Variants in DUSP16 observed in about 807,000 individuals in gnomAD.
The protein encoded by DUSP16 is dual specificity phosphatase 16.
DUSP16 carries 21 observed loss-of-function variants against 58.3 expected under a neutral mutation model. That is an observed-to-expected ratio of 0.36 (90% CI 0.26 to 0.52). The LOEUF (loss-of-function observed/expected upper bound fraction) is 0.52, where lower values mean the gene tolerates loss of function less well. DUSP16 is among the 20% of genes least tolerant of loss of function. DUSP16 has a pLI of 0.94. For missense variants in DUSP16, 726 were observed against 819.0 expected (o/e 0.89, Z 1.39); for synonymous variants, 320 against 323.8 (o/e 0.99, Z 0.12).
intron 1 of DUSP16, among the ~76,000 whole-genome samples, chr12:12,547,412 C>T (rs1429968247): frequency 1.4e-5 from 2 of 141,790 alleles, no homozygotes; most frequent in Middle Eastern, 3.4e-3. Context: ...GGCGACAGAG[C>T]GAGACTTGGT....
intron 3 of DUSP16, among the ~76,000 whole-genome samples, chr12:12,514,938 C>A (rs1944126334): frequency 6.6e-6 from 1 of 152,176 alleles, no homozygotes; most frequent in African/African-American, 2.4e-5. Flanking sequence ...GGAATACAGG[C>A]ATAAGCCACC....
intron 4 of DUSP16, among the ~76,000 whole-genome samples, chr12:12,494,919 A>G (rs1282954729): frequency 6.6e-6 from 1 of 152,218 alleles, no homozygotes; most frequent in Non-Finnish European, 1.5e-5. Context: ...ATTAGTGGTT[A>G]GTGTGGAATC....
chr12:12,515,124 CTAAT>C (rs1944129418), intron 3 of DUSP16, among the ~76,000 whole-genome samples: 2 of 151,932 alleles, frequency 1.3e-5, no homozygotes, highest in South Asian at 4.1e-4. Flanking sequence ...TCCTATAATT[CTAAT>C]TATTTAATAT....
rs1211082453 is a variant in DUSP16, at chr12:12,488,748, T to G, written c.532-1561A>C. The stretch of plus-strand genomic sequence containing the variant: ...CCAGTTCCCTAATCTCTTCATTTAC[T>G]ACATTTGGCACAATAAATATACTTT... On this transcript the variant is annotated intron_variant, in intron 4 of 6. Transcript: ENST00000298573. 2.0e-5 allele frequency among the ~76,000 whole-genome samples: 3 copies of G among 152,196 alleles called. No individual in the cohort carries two copies. In the East Asian group the frequency reaches 5.8e-4, roughly 29 times the overall value.
chr12:12,512,432 T>A (rs1944092921), intron 3 of DUSP16, among the ~76,000 whole-genome samples: 2 of 152,196 alleles, frequency 1.3e-5, no homozygotes, highest in African/African-American at 4.8e-5. Context: ...TCTCTAGAAC[T>A]TACTCATCAT....
At chr12:12,557,605 TAA>T (rs1228229247) in intron 1 of DUSP16, among the ~76,000 whole-genome samples, 2 of 152,172 alleles carry the variant, frequency 1.3e-5, no homozygotes, top group African/African-American at 4.8e-5. Flanking sequence ...ACATGAATAT[TAA>T]AAAGTTATAA....
At chr12:12,539,697 T>G (rs983700769) in intron 1 of DUSP16, among the ~76,000 whole-genome samples, 1 of 151,080 alleles carries the variant, frequency 6.6e-6, no homozygotes, top group African/African-American at 2.4e-5. Context: ...CCAATCTATA[T>G]TACATTAAAT....
chr12:12,562,776 C>A lies in DUSP16; in HGVS notation c.-1025G>T, dbSNP rs986747081. Among the ~76,000 whole-genome samples, 3 of 151,378 alleles carry A rather than the reference C, an allele frequency of 2.0e-5. No homozygotes were observed. The highest frequency in any genetic ancestry group is 7.3e-5 in the African/African-American group (3 of 41,330). Reference sequence around the variant, plus strand: ...GCCGCGCGCTCGCCCATCCCGCGGCCGCCCGAGCCCGGAGCGCGGCTCCGC... The same window carrying A: ...GCCGCGCGCTCGCCCATCCCGCGGCAGCCCGAGCCCGGAGCGCGGCTCCGC... On this transcript the variant is annotated 5_prime_UTR_variant, in exon 1 of 7. Transcript: ENST00000298573.
chr12:12,554,663 T>C (rs887836526), intron 1 of DUSP16: 2 of 149,400 alleles, frequency 1.3e-5, no homozygotes, highest in Admixed American at 1.3e-4. Flanking sequence ...ATTCTGCCTG[T>C]AAGTACATCC....
rs1943377033 is a variant in DUSP16, at chr12:12,474,438, G to A, written c.*2395C>T. On this transcript the variant is annotated 3_prime_UTR_variant, in exon 7 of 7. Coordinates refer to ENST00000298573, the MANE Select transcript of DUSP16 (RefSeq NM_030640.3). ...ACTTCTCACATAGAAGTCTAGTTTT[G>A]CTCTTTAAAATCACCATCTGTATCA... is the stretch of plus-strand genomic sequence containing the variant. The A allele has an allele frequency of 6.6e-6, 1 of 152,180 alleles. No individual in the cohort carries two copies. The highest frequency in any genetic ancestry group is 1.5e-5 in the Non-Finnish European group (1 of 68,042). 9.4% of individuals were successfully genotyped at this position (152,180 alleles called of 1,614,324 possible).
intron 1 of DUSP16, among the ~76,000 whole-genome samples, chr12:12,543,962 T>C (rs1944602436): frequency 6.6e-6 from 1 of 151,750 alleles, no homozygotes; most frequent in Non-Finnish European, 1.5e-5. Flanking sequence ...ACTCCTGTGG[T>C]TAACTCAAAG....
chr12:12,515,435 C>G (rs766884605), intron 3 of DUSP16, among the ~76,000 whole-genome samples: 56 of 149,994 alleles, frequency 3.7e-4, no homozygotes, highest in Non-Finnish European at 6.6e-4. Context: ...TCAAGCAATT[C>G]TCCTGCCTCA....
chr12:12,483,460 T>C (rs753925436), intron 5 of DUSP16, among the ~76,000 whole-genome samples: 4 of 152,136 alleles, frequency 2.6e-5, no homozygotes, highest in Non-Finnish European at 4.4e-5. Flanking sequence ...AAGGTAGGTA[T>C]ATTACCTTCA....
chr12:12,480,392 C>A, intron 5 of DUSP16, 46 bp from the exon 6 acceptor site: 1 of 1,590,828 alleles, frequency 6.3e-7, no homozygotes, highest in South Asian at 1.1e-5. Context: ...CTATTTTGTT[C>A]AGCAGTGAAA....
intron 5 of DUSP16, among the ~76,000 whole-genome samples, chr12:12,486,481 AGTGTGTGTGTGT>A (rs56941943): frequency 0.016 from 2,335 of 147,368 alleles, 63 homozygotes; most frequent in African/African-American, 0.054. Context: ...ACCAAATGAG[AGTGTGTGTGTGT>A]GTGTGTGTGT....
intron 1 of DUSP16, among the ~76,000 whole-genome samples, chr12:12,541,351 C>T (rs545670453): frequency 6.6e-6 from 1 of 152,216 alleles, no homozygotes; most frequent in East Asian, 1.9e-4. Flanking sequence ...CACACAGTCC[C>T]CTGCCCCACA....
At chr12:12,531,742 G>A (rs1250524105) in intron 1 of DUSP16, among the ~76,000 whole-genome samples, 1 of 152,054 alleles carries the variant, frequency 6.6e-6, no homozygotes, top group East Asian at 1.9e-4. Context: ...GTGGTGGCAT[G>A]GGCCTGTAAT....
intron 1 of DUSP16, among the ~76,000 whole-genome samples, chr12:12,546,857 C>G (rs2136260165): frequency 6.6e-6 from 1 of 152,302 alleles, no homozygotes; most frequent in South Asian, 2.1e-4. Context: ...GACTGGCTAT[C>G]TGTCAGATAC....
chr12:12,515,633 GA>G (rs1393840984), intron 3 of DUSP16, among the ~76,000 whole-genome samples: 3 of 151,084 alleles, frequency 2.0e-5, no homozygotes, highest in Non-Finnish European at 4.4e-5. Context: ...TGGCCAATAT[GA>G]ATTCTTAAGT....
Sources: allele counts gnomAD v4.1 joint callset (sites outside exome capture counted in the v4.1 genomes callset), GRCh38; gene constraint gnomAD v4.1.1; transcripts MANE v1.5; gene names NCBI Gene and HGNC (gene_info 2026-07-23, HGNC 2026-07-21).